SUPT3H: variants seen among roughly 807,000 people sequenced by gnomAD.
SUPT3H encodes transcription initiation protein SPT3 homolog.
A neutral mutation model predicts 44.3 loss-of-function variants in SUPT3H; 44 were observed. That is an observed-to-expected ratio of 0.99 (90% CI 0.78 to 1.28). SUPT3H has a LOEUF of 1.28. Ranked by LOEUF, SUPT3H falls within the 50% of genes most tolerant of loss-of-function variation. The pLI, the probability that SUPT3H is intolerant of heterozygous loss-of-function variation, is 0.00. For missense variants in SUPT3H, 380 were observed against 387.1 expected (o/e 0.98, Z 0.15); for synonymous variants, 124 against 125.6 (o/e 0.99, Z 0.09).
In SUPT3H at chr6:45,040,407, C is replaced by T. The variant is rs1335970742; in HGVS notation, c.187-19775G>A. ...CTTAGACTTTATTGCAATCTACATT[C>T]GTACATGCAGATTAAGAATAGTCAC... On this transcript the variant is annotated intron_variant, in intron 3 of 10. Coordinates refer to ENST00000371459, the MANE Select transcript of SUPT3H (RefSeq NM_003599.4). Among the ~76,000 whole-genome samples the T allele has an allele frequency of 5.9e-5, 9 of 152,176 alleles. No homozygotes were observed. The South Asian group carries it at 1.4e-3, about 25-fold the overall frequency.
At chr6:45,157,518 G>A (rs1410964735) in intron 2 of SUPT3H, among the ~76,000 whole-genome samples, 1 of 151,314 alleles carries the variant, frequency 6.6e-6, no homozygotes, top group East Asian at 1.9e-4. Context: ...TATATATGAT[G>A]CCTATGTTTT....
At chr6:45,302,004 T>C (rs1782201040) in intron 2 of SUPT3H, among the ~76,000 whole-genome samples, 1 of 152,158 alleles carries the variant, frequency 6.6e-6, no homozygotes, top group African/African-American at 2.4e-5. Flanking sequence ...AATTTTGAGA[T>C]GGGCCAGTTT....
intron 2 of SUPT3H, among the ~76,000 whole-genome samples, chr6:45,312,672 CA>C (rs1784126693): frequency 1.4e-5 from 1 of 71,858 alleles, no homozygotes; most frequent in Admixed American, 2.3e-4. Flanking sequence ...TAGACAGCAA[CA>C]CAATAATGTG....
At chr6:45,130,697 CA>C (rs1212283346) in intron 2 of SUPT3H, among the ~76,000 whole-genome samples, 18 of 34,012 alleles carry the variant, frequency 5.3e-4, no homozygotes, top group South Asian at 1.9e-3. Context: ...AAAAAAAAAA[CA>C]AAAAAAAAAA....
intron 3 of SUPT3H, among the ~76,000 whole-genome samples, chr6:45,030,486 T>C (rs889134045): frequency 6.6e-6 from 1 of 152,156 alleles, no homozygotes; most frequent in Admixed American, 6.6e-5. Context: ...TGTAAGAGAC[T>C]GAATTTCTTA....
At chr6:45,360,388 A>C (rs993823449) in intron 2 of SUPT3H, among the ~76,000 whole-genome samples, 1 of 152,206 alleles carries the variant, frequency 6.6e-6, no homozygotes, top group Non-Finnish European at 1.5e-5. Flanking sequence ...GCACCCTTGG[A>C]ATTACAGTAT....
intron 7 of SUPT3H, among the ~76,000 whole-genome samples, chr6:44,955,719 C>T (rs1775019837): frequency 6.6e-6 from 1 of 151,996 alleles, no homozygotes; most frequent in Non-Finnish European, 1.5e-5. Context: ...AATTTGGGGA[C>T]TCAGGGGAAA....
chr6:45,355,464 TG>T (rs955393156), intron 2 of SUPT3H, among the ~76,000 whole-genome samples: 3 of 151,808 alleles, frequency 2.0e-5, no homozygotes, highest in Non-Finnish European at 4.4e-5. Flanking sequence ...TCATTGGGGG[TG>T]GGGGTTAATT....
intron 2 of SUPT3H, among the ~76,000 whole-genome samples, chr6:45,215,096 A>G (rs971198907): frequency 1.3e-5 from 2 of 152,176 alleles, no homozygotes; most frequent in Admixed American, 6.5e-5. Context: ...AGCTGAAGAA[A>G]TCACTGGAAA....
intron 7 of SUPT3H, among the ~76,000 whole-genome samples, chr6:44,957,368 A>T (rs920966613): frequency 3.3e-5 from 5 of 152,204 alleles, no homozygotes; most frequent in African/African-American, 1.2e-4. Flanking sequence ...CAACGTAACA[A>T]ATCTTCCAAA....
intron 9 of SUPT3H, among the ~76,000 whole-genome samples, chr6:44,951,786 A>T (rs1774356138): frequency 6.6e-6 from 1 of 152,216 alleles, no homozygotes; most frequent in African/African-American, 2.4e-5. Context: ...CAATCACTTG[A>T]ATGTTAAAAG....
intron 2 of SUPT3H, among the ~76,000 whole-genome samples, chr6:45,202,553 T>C (rs1282320469): frequency 1.3e-5 from 2 of 152,078 alleles, no homozygotes; most frequent in Non-Finnish European, 2.9e-5. Flanking sequence ...TTGTATAACG[T>C]AGTCAAATAT....
chr6:44,905,408 C>A (rs1256188050), intron 10 of SUPT3H, among the ~76,000 whole-genome samples: 1 of 128,400 alleles, frequency 7.8e-6, no homozygotes, highest in Non-Finnish European at 1.7e-5. Context: ...AGCCGAAAGA[C>A]ACATGAAAAA....
chr6:45,097,388 T>A (rs973550693), intron 3 of SUPT3H: 1 of 152,212 alleles, frequency 6.6e-6, no homozygotes. Flanking sequence ...TGAAGGAGAA[T>A]TGATGACGGC....
chr6:45,257,549 G>A (rs1240739986), intron 2 of SUPT3H, among the ~76,000 whole-genome samples: 8 of 152,116 alleles, frequency 5.3e-5, no homozygotes, highest in East Asian at 3.9e-4. Flanking sequence ...TACAGTCATC[G>A]TTGTTTCAGT....
chr6:44,829,971 T>C, intron 10 of SUPT3H, 114 bp from the exon 11 acceptor site: 1 of 898,500 alleles, frequency 1.1e-6, no homozygotes, highest in Non-Finnish European at 1.8e-6. Context: ...GGCTACAATC[T>C]AATAGAATGC....
chr6:45,274,148 C>A (rs1460184652), intron 2 of SUPT3H, among the ~76,000 whole-genome samples: 1 of 152,082 alleles, frequency 6.6e-6, no homozygotes, highest in Admixed American at 6.6e-5. Flanking sequence ...ATTGTAATGT[C>A]TTTTTAATTG....
intron 6 of SUPT3H, among the ~76,000 whole-genome samples, chr6:44,982,232 C>CTT (rs200691431): frequency 7.6e-4 from 115 of 151,232 alleles, no homozygotes; most frequent in African/African-American, 2.7e-3. Flanking sequence ...GTCACCCAGG[C>CTT]TTTTTTTTTG....
intron 2 of SUPT3H, among the ~76,000 whole-genome samples, chr6:45,123,214 G>C (rs1029011236): frequency 6.6e-6 from 1 of 152,076 alleles, no homozygotes; most frequent in African/African-American, 2.4e-5. Flanking sequence ...CCAAGTCCTT[G>C]TGAACTCCAA....
Sources: allele counts gnomAD v4.1 joint callset (sites outside exome capture counted in the v4.1 genomes callset), GRCh38; gene constraint gnomAD v4.1.1; transcripts MANE v1.5; gene names NCBI Gene and HGNC (gene_info 2026-07-23, HGNC 2026-07-21).